Variants in ACSM3 observed in about 807,000 individuals in gnomAD.
ACSM3 encodes the protein acyl-CoA synthetase medium chain family member 3.
In ACSM3, 61 loss-of-function variants were observed where a neutral mutation model predicts 74.1. The ratio of observed to expected loss-of-function variants is 0.82; its 90% CI spans 0.67 to 1.02. The LOEUF is 1.02. ACSM3 is among the 50% of genes least tolerant of loss of function. The probability of loss-of-function intolerance (pLI) is 0.00; values close to 1 mark genes in which losing one functional copy is unlikely to be tolerated. For synonymous variants in ACSM3, 213 were observed against 241.5 expected (o/e 0.88, Z 1.09); for missense variants, 660 against 697.0 (o/e 0.95, Z 0.60).
intron 1 of ACSM3, among the ~76,000 whole-genome samples, chr16:20,699,534 C>G (rs1596480954): frequency 6.6e-6 from 1 of 152,098 alleles, no homozygotes; most frequent in East Asian, 1.9e-4. Context: ...TAAGCTAAAC[C>G]TTAAACACCC....
intron 1 of ACSM3, among the ~76,000 whole-genome samples, chr16:20,725,628 A>G (rs1016761189): frequency 2.0e-5 from 3 of 152,152 alleles, no homozygotes; most frequent in African/African-American, 7.2e-5. Context: ...CAGCATCCCA[A>G]GACTCTACTC....
chr16:20,725,158 A>G (rs886396809), intron 1 of ACSM3, among the ~76,000 whole-genome samples: 7 of 152,240 alleles, frequency 4.6e-5, no homozygotes, highest in Non-Finnish European at 1.0e-4. Flanking sequence ...TAACCAAAAC[A>G]GCATGGTACT....
At chr16:20,677,232 A>C (rs566634698) in intron 1 of ACSM3, among the ~76,000 whole-genome samples, 104 of 151,914 alleles carry the variant, frequency 6.8e-4, no homozygotes, top group African/African-American at 2.5e-3. Context: ...AAATTAAAAA[A>C]AAAAAAAAAG....
chr16:20,797,335 C>G lies in ACSM3; in HGVS notation c.*363C>G, dbSNP rs2080741519. 9.9e-7 allele frequency: 1 copy of G among 1,007,642 alleles called. No individual in the cohort carries two copies. Among genetic ancestry groups the G allele is most frequent in the African/African-American group, 1.7e-5 (1 of 58,140 alleles). 62.4% of individuals were successfully genotyped at this position (1,007,642 alleles called of 1,614,324 possible). ...TGATATACAAATCAGAACCAATGTTCAAGCCTGAAATAAAACTAAAGAACT... is the reference window on the plus strand; with the variant it reads ...TGATATACAAATCAGAACCAATGTTGAAGCCTGAAATAAAACTAAAGAACT... On this transcript the variant is annotated 3_prime_UTR_variant, in exon 14 of 14. Transcript: ENST00000289416.
intron 1 of ACSM3, among the ~76,000 whole-genome samples, chr16:20,717,479 G>A (rs967082190): frequency 5.9e-5 from 9 of 152,162 alleles, no homozygotes; most frequent in African/African-American, 1.9e-4. Flanking sequence ...TACAGATGTC[G>A]AAGATATTGA....
At chr16:20,742,776 T>G (rs963308704) in intron 1 of ACSM3, among the ~76,000 whole-genome samples, 1 of 148,432 alleles carries the variant, frequency 6.7e-6, no homozygotes, top group Admixed American at 6.7e-5. Flanking sequence ...GAATCCAACA[T>G]AGTCTGGTGC....
intron 1 of ACSM3, among the ~76,000 whole-genome samples, chr16:20,692,087 C>T (rs1013009663): frequency 6.6e-6 from 1 of 152,126 alleles, no homozygotes; most frequent in Non-Finnish European, 1.5e-5. Flanking sequence ...GTTTCTGTCA[C>T]TTGAGACTAT....
Position 20,797,515 on chromosome 16 carries a change from A to G in ACSM3, c.*543A>G, listed in dbSNP as rs2080743736. ...TTTAGACTTGTTTCAAGGTCTAACT[A>G]TAAAAGAAGGATCATATACTATTGT... is the stretch of plus-strand genomic sequence containing the variant. On this transcript the variant is annotated 3_prime_UTR_variant, in exon 14 of 14. Coordinates refer to ENST00000289416, the MANE Select transcript of ACSM3 (RefSeq NM_005622.4). The G allele has an allele frequency of 7.7e-6, 9 of 1,163,470 alleles. No individual in the cohort carries two copies. Among genetic ancestry groups the G allele is most frequent in the Middle Eastern group, 3.5e-4 (1 of 2,848 alleles). 72.1% of individuals were successfully genotyped at this position (1,163,470 alleles called of 1,614,324 possible).
chr16:20,773,823 A>ATG (rs1166748334), intron 2 of ACSM3, among the ~76,000 whole-genome samples: 1 of 152,234 alleles, frequency 6.6e-6, no homozygotes, highest in Non-Finnish European at 1.5e-5. Flanking sequence ...GAGAAGAAGA[A>ATG]TGTGTATTCT....
chr16:20,760,731 A>G (rs2080070103), upstream of ACSM3, among the ~76,000 whole-genome samples: 1 of 152,100 alleles, frequency 6.6e-6, no homozygotes, highest in African/African-American at 2.4e-5. Flanking sequence ...AGTTGCAGCA[A>G]CTTTAAGAGG....
chr16:20,737,570 A>T, intron 1 of ACSM3: 2 of 900,106 alleles, frequency 2.2e-6, no homozygotes, highest in Non-Finnish European at 3.2e-6. Flanking sequence ...CAGTTGATTT[A>T]ATACTATTTT....
At chr16:20,774,205 G>A (rs994595205) in intron 2 of ACSM3, among the ~76,000 whole-genome samples, 4 of 146,420 alleles carry the variant, frequency 2.7e-5, no homozygotes, top group Non-Finnish European at 4.5e-5. Context: ...CTATTTGTTT[G>A]AAATATTATT....
At chr16:20,772,036 T>C (rs2080199753) in intron 2 of ACSM3, among the ~76,000 whole-genome samples, 1 of 152,242 alleles carries the variant, frequency 6.6e-6, no homozygotes, top group African/African-American at 2.4e-5. Context: ...GTATGTCTTT[T>C]GAGAAATGTC....
chr16:20,751,512 C>A (rs2079988811), intron 2 of ACSM3, among the ~76,000 whole-genome samples: 1 of 152,144 alleles, frequency 6.6e-6, no homozygotes, highest in South Asian at 2.1e-4. Context: ...CCAGGAGAAA[C>A]TGGGAAAATA....
At position 20,777,467 on chromosome 16, in the gene ACSM3, T is replaced by G. The variant is rs757258795; in HGVS notation, c.525T>G (p.Asp175Glu). 1.2e-6 allele frequency: 2 copies of G among 1,614,108 alleles called. No homozygotes were observed. The highest frequency in any genetic ancestry group is 2.2e-5 in the South Asian group (2 of 91,084). ...AAGCAAACTGCATTATCACCAATGA[T>G]GTTTTAGCCCCAGCAGTAGACGCTG... ...SSKANCIITN[D>E]VLAPAVDAVA... Residue 175 changes from aspartate to glutamate, a missense_variant, in exon 4 of 14, where the codon GAT becomes GAG. Asp to Glu is a conservative substitution (Grantham distance 45). Coordinates refer to ENST00000289416, the MANE Select transcript of ACSM3 (RefSeq NM_005622.4).
chr16:20,755,133 A>G (rs972605061), intron 2 of ACSM3, among the ~76,000 whole-genome samples: 1 of 152,180 alleles, frequency 6.6e-6, no homozygotes, highest in Non-Finnish European at 1.5e-5. Context: ...CTAGATGTCT[A>G]TATTCACCTG....
chr16:20,742,863 C>A (rs2152425520), intron 1 of ACSM3, among the ~76,000 whole-genome samples: 1 of 146,642 alleles, frequency 6.8e-6, no homozygotes, highest in East Asian at 2.0e-4. Flanking sequence ...CTTACTATAT[C>A]ATTTGCTTAT....
chr16:20,716,912 T>C (rs2079763874), intron 1 of ACSM3, among the ~76,000 whole-genome samples: 3 of 152,228 alleles, frequency 2.0e-5, no homozygotes, highest in Admixed American at 2.0e-4. Context: ...TTGTAGACAA[T>C]CTTACACAGA....
chr16:20,709,741 A>G (rs1414228765), intron 1 of ACSM3, among the ~76,000 whole-genome samples: 2 of 152,256 alleles, frequency 1.3e-5, no homozygotes, highest in African/African-American at 4.8e-5. Flanking sequence ...AAATATATTC[A>G]TAAATAAAGT....
Sources: allele counts gnomAD v4.1 joint callset (sites outside exome capture counted in the v4.1 genomes callset), GRCh38; gene constraint gnomAD v4.1.1; transcripts MANE v1.5; gene names NCBI Gene and HGNC (gene_info 2026-07-23, HGNC 2026-07-21).